AKR1C3: variants seen among roughly 807,000 people sequenced by gnomAD.
The protein encoded by AKR1C3 is 3-alpha hydroxysteroid dehydrogenase, type II.
In AKR1C3, 48 loss-of-function variants were observed where a neutral mutation model predicts 43.6. The observed-to-expected ratio is 1.10, with a 90% CI of 0.87 to 1.40. The LOEUF (loss-of-function observed/expected upper bound fraction) is 1.40, where lower values mean the gene tolerates loss of function less well. Ranked by LOEUF, AKR1C3 falls within the 40% of genes most tolerant of loss-of-function variation. The probability of loss-of-function intolerance (pLI) is 0.00; values close to 1 mark genes in which losing one functional copy is unlikely to be tolerated. For missense variants in AKR1C3, 482 were observed against 391.2 expected, an observed-to-expected ratio of 1.23 and a Z score of -1.96; for synonymous variants, 162 against 139.6, an observed-to-expected ratio of 1.16 and a Z score of -1.13.
chr10:5,088,877 G>A (rs1189756127), intron 1 of AKR1C3, among the ~76,000 whole-genome samples: 1 of 151,938 alleles, frequency 6.6e-6, no homozygotes, highest in African/African-American at 2.4e-5. Context: ...AGACTCAATT[G>A]TGCAATTACT....
chr10:5,102,318 G>A (rs1839376204), intron 6 of AKR1C3, 108 bp downstream of exon 6: 1 of 1,587,356 alleles, frequency 6.3e-7, no homozygotes, highest in East Asian at 2.2e-5. Flanking sequence ...TCATGGAGAG[G>A]AAAGAGAATT....
chr10:5,102,343 A>T, intron 6 of AKR1C3, 133 bp downstream of exon 6: 1 of 1,594,166 alleles, frequency 6.3e-7, no homozygotes, highest in Non-Finnish European at 8.6e-7. Flanking sequence ...TTCTGACGAG[A>T]TCTTGGATGA....
intron 1 of AKR1C3, among the ~76,000 whole-genome samples, chr10:5,058,132 G>A (rs1588331679): frequency 6.6e-6 from 1 of 152,254 alleles, no homozygotes; most frequent in African/African-American, 2.4e-5. Context: ...CTGGGCGGGG[G>A]AGGTTAGAGG....
intron 6 of AKR1C3, 56 bp from the exon 7 acceptor site, chr10:5,102,429 C>T (rs33921818): frequency 0.23 from 274,577 of 1,210,278 alleles, 43,448 homozygotes; most frequent in East Asian, 0.67. Flanking sequence ...TTTAGGGAGC[C>T]GCCTAACAAA....
At chr10:5,101,606 ATTT>A (rs1254559693) in intron 5 of AKR1C3, among the ~76,000 whole-genome samples, 1 of 152,080 alleles carries the variant, frequency 6.6e-6, no homozygotes, top group Non-Finnish European at 1.5e-5. Context: ...TTTCCTTAAG[ATTT>A]TTAATTAATT....
At chr10:5,048,919 G>T in intron 1 of AKR1C3, 1 of 1,601,618 alleles carries the variant, frequency 6.2e-7, no homozygotes, top group Non-Finnish European at 8.6e-7. Flanking sequence ...TTTTGGTGCA[G>T]AGAGTTGAAA....
chr10:5,093,064 T>G (rs937963124), upstream of AKR1C3, among the ~76,000 whole-genome samples: 1 of 152,050 alleles, frequency 6.6e-6, no homozygotes, highest in Non-Finnish European at 1.5e-5. Flanking sequence ...CCATTAGTAG[T>G]TCCCCCAAAT....
At chr10:5,085,932 C>T (rs1287865434) in intron 1 of AKR1C3, among the ~76,000 whole-genome samples, 1 of 151,760 alleles carries the variant, frequency 6.6e-6, no homozygotes, top group Non-Finnish European at 1.5e-5. Flanking sequence ...TCCCCTTTAT[C>T]ATTTTTTATT....
chr10:5,086,043 T>G (rs1233119713), intron 1 of AKR1C3, among the ~76,000 whole-genome samples: 1 of 151,836 alleles, frequency 6.6e-6, no homozygotes, highest in Non-Finnish European at 1.5e-5. Context: ...GTTTCATTAA[T>G]TTTTTGAAGG....
intron 1 of AKR1C3, among the ~76,000 whole-genome samples, chr10:5,062,367 T>C (rs2131787833): frequency 6.6e-6 from 1 of 152,338 alleles, no homozygotes; most frequent in African/African-American, 2.4e-5. Flanking sequence ...TGGACTGTTT[T>C]CTGTCTATTT....
chr10:5,060,060 G>T (rs1588332824), intron 1 of AKR1C3, among the ~76,000 whole-genome samples: 1 of 152,126 alleles, frequency 6.6e-6, no homozygotes, highest in Non-Finnish European at 1.5e-5. Context: ...AGCTCTTAAG[G>T]TGGAACGTCT....
intron 8 of AKR1C3, among the ~76,000 whole-genome samples, chr10:5,107,079 C>T (rs587604245): frequency 2.6e-5 from 4 of 152,166 alleles, no homozygotes; most frequent in East Asian, 3.9e-4. Flanking sequence ...ATATTAGACC[C>T]TATATCATAT....
At chr10:5,094,381 T>C (rs1554784816), upstream of AKR1C3, 3 of 1,561,892 alleles carry the variant, frequency 1.9e-6, no homozygotes, top group Admixed American at 3.4e-5. Context: ...TTCCTGCCCA[T>C]TGTTTTTGTA....
intron 1 of AKR1C3, among the ~76,000 whole-genome samples, chr10:5,074,421 T>C (rs1316036980): frequency 4.6e-5 from 7 of 152,212 alleles, no homozygotes; most frequent in Admixed American, 4.6e-4. Flanking sequence ...AAACTGTCTG[T>C]TATGAGAGAG....
intron 1 of AKR1C3, among the ~76,000 whole-genome samples, chr10:5,058,766 A>C (rs1471131253): frequency 6.6e-6 from 1 of 152,144 alleles, no homozygotes; most frequent in Non-Finnish European, 1.5e-5. Context: ...GGAAGGTTGG[A>C]TTTAGTGGCT....
chr10:5,096,519 T>A lies in AKR1C3; in HGVS notation c.194T>A (p.Ile65Asn), dbSNP rs782190855. ...AATGAGGAGCAGGTTGGACTGGCCA[T>A]CCGAAGCAAGATTGCAGATGGCAGT... The part of the protein sequence containing the change: ...YNNEEQVGLA[I>N]RSKIADGSVK... Residue 65 changes from isoleucine (I) to asparagine (N), a missense_variant, in exon 2 of 9, where the codon ATC becomes AAC. Transcript: ENST00000380554. 1 of 1,613,764 alleles carries A rather than the reference T, an allele frequency of 6.2e-7. No homozygotes were observed. Among genetic ancestry groups the A allele is most frequent in the African/African-American group, 1.3e-5 (1 of 74,912 alleles).
In AKR1C3 at chr10:5,069,167, G is replaced by T. The variant is rs182869124; in HGVS notation, c.84+20272G>T. Among the ~76,000 whole-genome samples, 4 of 152,286 alleles carry T rather than the reference G, an allele frequency of 2.6e-5. No individual in the cohort carries two copies. In the East Asian group the frequency reaches 7.7e-4, roughly 29 times the overall value. On this transcript the variant is annotated intron_variant, in intron 1 of 8. Coordinates refer to the AKR1C3 transcript ENST00000439082. ...CTTTTACCTTTCATTTAACCAGTTT[G>T]CACAGAGCGAAAGAGACCAGAGACT... is the stretch of plus-strand genomic sequence containing the variant.
At chr10:5,094,639 T>C in intron 1 of AKR1C3, 111 bp downstream of exon 1, 1 of 1,195,292 alleles carries the variant, frequency 8.4e-7, no homozygotes, top group Non-Finnish European at 1.2e-6. Flanking sequence ...GATGACTCAC[T>C]GGTCTAGGTT....
At chr10:5,051,288 G>A (rs2131769736) in intron 1 of AKR1C3, among the ~76,000 whole-genome samples, 1 of 152,192 alleles carries the variant, frequency 6.6e-6, no homozygotes, top group Middle Eastern at 3.4e-3. Context: ...GTAGAGACGG[G>A]GTTCCACCAT....
Sources: gnomAD v4.1 joint callset for allele counts (sites outside exome capture counted in the v4.1 genomes callset) on GRCh38, gnomAD v4.1.1 for gene constraint, MANE v1.5 for transcripts, NCBI Gene and HGNC (gene_info 2026-07-23, HGNC 2026-07-21) for gene names.